SLIT3: variants seen among roughly 807,000 people sequenced by gnomAD.
SLIT3 encodes the protein slit homolog 3 protein.
Under a neutral mutation model 184.0 loss-of-function variants are expected in SLIT3, and 68 were observed. The observed-to-expected ratio is 0.37, with a 90% confidence interval of 0.30 to 0.45. SLIT3 has a LOEUF of 0.45. Ranked by LOEUF, SLIT3 falls within the 20% of genes least tolerant of loss-of-function variation. The pLI is 1.00. For synonymous variants in SLIT3, 831 were observed against 828.6 expected, an observed-to-expected ratio of 1.00 and a Z score of -0.05; for missense variants, 1,707 against 2,026.0, an observed-to-expected ratio of 0.84 and a Z score of 3.02.
intron 4 of SLIT3, chr5:168,995,390 A>G (rs894917906): frequency 9.2e-5 from 14 of 152,258 alleles, no homozygotes; most frequent in African/African-American, 3.1e-4. Context: ...AATTAAGAAC[A>G]TGATTTTAAT....
intron 4 of SLIT3, among the ~76,000 whole-genome samples, chr5:169,047,956 AT>A (rs1377453169): frequency 1.3e-5 from 2 of 152,086 alleles, no homozygotes; most frequent in Non-Finnish European, 2.9e-5. Flanking sequence ...ACAAGCATCG[AT>A]TAGATGCTTG....
chr5:169,110,103 C>T (rs28410499), intron 4 of SLIT3, among the ~76,000 whole-genome samples: 42,860 of 151,694 alleles, frequency 0.28, 6,662 homozygotes, highest in East Asian at 0.55. Context: ...CTGCCTCAGC[C>T]TCCCAAAGTG....
chr5:169,003,746 G>T (rs984517667), intron 4 of SLIT3, among the ~76,000 whole-genome samples: 1 of 152,096 alleles, frequency 6.6e-6, no homozygotes, highest in Non-Finnish European at 1.5e-5. Context: ...TTTCCTTAAG[G>T]CTTCTTGCCA....
intron 4 of SLIT3, among the ~76,000 whole-genome samples, chr5:169,120,814 G>A (rs1760848119): frequency 6.6e-6 from 1 of 152,060 alleles, no homozygotes; most frequent in African/African-American, 2.4e-5. Flanking sequence ...ATGGGCCTCT[G>A]CAATCACTGG....
intron 8 of SLIT3, among the ~76,000 whole-genome samples, chr5:168,810,894 C>A (rs911658719): frequency 2.0e-5 from 3 of 152,050 alleles, no homozygotes; most frequent in Non-Finnish European, 2.9e-5. Context: ...AAAGTCCCTG[C>A]GGCTGCTTGC....
intron 6 of SLIT3, among the ~76,000 whole-genome samples, chr5:168,832,598 A>C (rs1166575526): frequency 6.6e-6 from 1 of 152,186 alleles, no homozygotes; most frequent in African/African-American, 2.4e-5. Context: ...TGCCTACGGG[A>C]GTGAGGCTTG....
chr5:168,761,211 C>T (rs1035644322), intron 15 of SLIT3, among the ~76,000 whole-genome samples: 2 of 152,236 alleles, frequency 1.3e-5, no homozygotes, highest in East Asian at 1.9e-4. Context: ...GTTTTCAGCA[C>T]CCATCAATTA....
chr5:168,762,212 C>T (rs1224552972), intron 15 of SLIT3, among the ~76,000 whole-genome samples: 1 of 152,148 alleles, frequency 6.6e-6, no homozygotes, highest in African/African-American at 2.4e-5. Flanking sequence ...ACCCAACTTT[C>T]TGGTTTTACT....
At chr5:168,815,728 GA>G (rs1179899542) in intron 8 of SLIT3, among the ~76,000 whole-genome samples, 3 of 152,184 alleles carry the variant, frequency 2.0e-5, no homozygotes, top group African/African-American at 7.2e-5. Flanking sequence ...AGATGAAGTT[GA>G]ATTCAAGGAA....
At chr5:169,174,870 C>T (rs547143632) in intron 4 of SLIT3, among the ~76,000 whole-genome samples, 161 of 152,100 alleles carry the variant, frequency 1.1e-3, no homozygotes, top group African/African-American at 3.7e-3. Flanking sequence ...TCAACAAAGA[C>T]GAATGATTAA....
chr5:168,769,188 C>A (rs1755456219), intron 14 of SLIT3, among the ~76,000 whole-genome samples: 1 of 152,168 alleles, frequency 6.6e-6, no homozygotes, highest in Non-Finnish European at 1.5e-5. Flanking sequence ...AACCAATAAC[C>A]ACTGTCAGGA....
intron 31 of SLIT3, among the ~76,000 whole-genome samples, chr5:168,684,313 C>T (rs1471287680): frequency 6.6e-6 from 1 of 152,180 alleles, no homozygotes; most frequent in Non-Finnish European, 1.5e-5. Flanking sequence ...CAGTTCAACA[C>T]ATTTTTACTG....
At chr5:168,770,000 G>A (rs1394083810) in intron 14 of SLIT3, among the ~76,000 whole-genome samples, 3 of 152,156 alleles carry the variant, frequency 2.0e-5, no homozygotes, top group African/African-American at 7.2e-5. Flanking sequence ...GACACTTTGC[G>A]TCACCACCCT....
intron 32 of SLIT3, among the ~76,000 whole-genome samples, chr5:168,683,380 A>C (rs1188430507): frequency 2.0e-5 from 3 of 151,678 alleles, no homozygotes; most frequent in Admixed American, 2.0e-4. Flanking sequence ...AAAAAAAAAA[A>C]AAAAAGAAAA....
intron 3 of SLIT3, among the ~76,000 whole-genome samples, chr5:169,210,580 G>T (rs1241702809): frequency 6.6e-6 from 1 of 152,230 alleles, no homozygotes; most frequent in Non-Finnish European, 1.5e-5. Context: ...AAGAAAGTCA[G>T]TTAGTAGGAA....
intron 4 of SLIT3, among the ~76,000 whole-genome samples, chr5:169,168,453 C>T (rs1339626954): frequency 1.3e-5 from 2 of 152,164 alleles, no homozygotes; most frequent in Non-Finnish European, 2.9e-5. Flanking sequence ...AAAATGCACT[C>T]CACTAGTCAG....
At chr5:169,068,118 C>T (rs1381715326) in intron 4 of SLIT3, among the ~76,000 whole-genome samples, 2 of 152,084 alleles carry the variant, frequency 1.3e-5, no homozygotes, top group East Asian at 3.8e-4. Flanking sequence ...AAATTTTCCA[C>T]CAGTCAAGCT....
At chr5:169,073,527 T>C (rs1405191969) in intron 4 of SLIT3, among the ~76,000 whole-genome samples, 1 of 151,924 alleles carries the variant, frequency 6.6e-6, no homozygotes, top group Admixed American at 6.6e-5. Context: ...GTGATGTGAT[T>C]TGGATGTTTG....
At chr5:168,991,651 C>T (rs1204026854) in intron 4 of SLIT3, among the ~76,000 whole-genome samples, 1 of 152,244 alleles carries the variant, frequency 6.6e-6, no homozygotes, top group African/African-American at 2.4e-5. Context: ...AAGCCTCCCC[C>T]TTCTCTCAGA....
Sources: allele counts gnomAD v4.1 joint callset (sites outside exome capture counted in the v4.1 genomes callset), GRCh38; gene constraint gnomAD v4.1.1; transcripts MANE v1.5; gene names NCBI Gene and HGNC (gene_info 2026-07-23, HGNC 2026-07-21).